GALNTL6: variants seen among roughly 807,000 people sequenced by gnomAD.
GALNTL6 encodes the protein polypeptide N-acetylgalactosaminyltransferase-like 6.
Under a neutral mutation model 73.7 loss-of-function variants are expected in GALNTL6, and 46 were observed. That is an observed-to-expected ratio of 0.62 (90% CI 0.49 to 0.80). GALNTL6 has a LOEUF of 0.80. GALNTL6 is among the 30% of genes least tolerant of loss of function. The pLI is 0.00. For synonymous variants in GALNTL6, 259 were observed against 263.7 expected (o/e 0.98, Z 0.17); for missense variants, 604 against 755.0 (o/e 0.80, Z 2.34).
At chr4:171,902,987 T>C (rs1030527913) in intron 2 of GALNTL6, among the ~76,000 whole-genome samples, 2 of 152,210 alleles carry the variant, frequency 1.3e-5, no homozygotes, top group African/African-American at 4.8e-5. Context: ...TATGTCATTC[T>C]TCATTACAAT....
At chr4:172,087,450 A>AC (rs1442690093) in intron 2 of GALNTL6, among the ~76,000 whole-genome samples, 4 of 147,878 alleles carry the variant, frequency 2.7e-5, no homozygotes, top group Admixed American at 6.7e-5. Flanking sequence ...ATCCCAAAAA[A>AC]AAAAAAAACA....
chr4:172,138,885 G>A (rs771774358), intron 2 of GALNTL6, among the ~76,000 whole-genome samples: 17 of 151,522 alleles, frequency 1.1e-4, no homozygotes, highest in Non-Finnish European at 2.1e-4. Context: ...TCATTTTTTT[G>A]TAATAAGAAA....
intron 8 of GALNTL6, among the ~76,000 whole-genome samples, chr4:172,906,766 A>G (rs932303619): frequency 2.6e-5 from 4 of 152,206 alleles, no homozygotes; most frequent in African/African-American, 9.6e-5. Context: ...CTCTCATAGC[A>G]TGACAACTTA....
intron 2 of GALNTL6, among the ~76,000 whole-genome samples, chr4:171,899,766 T>C (rs577337698): frequency 5.3e-5 from 8 of 152,324 alleles, no homozygotes; most frequent in African/African-American, 1.9e-4. Context: ...CAGCCCATTA[T>C]AAAAATATGG....
At chr4:172,206,985 T>C (rs940310106) in intron 2 of GALNTL6, among the ~76,000 whole-genome samples, 5 of 150,930 alleles carry the variant, frequency 3.3e-5, no homozygotes, top group African/African-American at 1.2e-4. Context: ...GCCCGGCTAG[T>C]TTTTTGTATT....
At chr4:172,443,096 G>T (rs1731890183) in intron 5 of GALNTL6, among the ~76,000 whole-genome samples, 1 of 123,854 alleles carries the variant, frequency 8.1e-6, no homozygotes. Flanking sequence ...ATGAAGGAGA[G>T]AAATCACCAG....
intron 2 of GALNTL6, among the ~76,000 whole-genome samples, chr4:171,918,511 C>A (rs1056731349): frequency 2.6e-5 from 4 of 151,872 alleles, no homozygotes; most frequent in African/African-American, 9.7e-5. Flanking sequence ...ATCTTTCTCC[C>A]GGAATATTTA....
In GALNTL6 at chr4:172,931,601, T is replaced by C. The variant is rs758263977; in HGVS notation, c.1149+333T>C. ...CATGAATGCCAAATAGCAGAGTAGG[T>C]CCGCGGACCTGGGGCAGCCAGTTCT... On this transcript the variant is annotated intron_variant, in intron 9 of 12. Transcript: ENST00000506823. Among the ~76,000 whole-genome samples the C allele has an allele frequency of 1.7e-4, 26 of 152,086 alleles. 1 individual carries two copies. Among genetic ancestry groups the C allele is most frequent in the Non-Finnish European group, 2.8e-4 (19 of 68,006 alleles).
intron 2 of GALNTL6, among the ~76,000 whole-genome samples, chr4:171,908,206 G>C (rs1737354512): frequency 1.3e-5 from 2 of 151,904 alleles, no homozygotes; most frequent in African/African-American, 4.8e-5. Context: ...GAGTGAACAG[G>C]CAACCTACAA....
chr4:172,105,091 GA>G (rs371897008), intron 2 of GALNTL6, among the ~76,000 whole-genome samples: 1 of 150,526 alleles, frequency 6.6e-6, no homozygotes, highest in Non-Finnish European at 1.5e-5. Flanking sequence ...TGTTCAAAGG[GA>G]AAAAAAAGAA....
intron 5 of GALNTL6, among the ~76,000 whole-genome samples, chr4:172,783,494 CT>C (rs914291915): frequency 3.3e-4 from 48 of 147,414 alleles, no homozygotes; most frequent in African/African-American, 1.1e-3. Context: ...ATATTATACA[CT>C]ATTAATAATA....
intron 5 of GALNTL6, among the ~76,000 whole-genome samples, chr4:172,634,191 A>G (rs1450364809): frequency 1.3e-5 from 2 of 152,136 alleles, no homozygotes; most frequent in Non-Finnish European, 2.9e-5. Flanking sequence ...TGAGGTATAA[A>G]TTATTCATGT....
chr4:172,894,671 C>G (rs987483869), intron 8 of GALNTL6, among the ~76,000 whole-genome samples: 4 of 152,098 alleles, frequency 2.6e-5, no homozygotes, highest in African/African-American at 9.7e-5. Flanking sequence ...ATGAAATGTT[C>G]TGTAAATGTC....
chr4:172,313,236 CTGCCTCAGCCTCCCG>C (rs1740427141), intron 4 of GALNTL6, among the ~76,000 whole-genome samples: 1 of 151,562 alleles, frequency 6.6e-6, no homozygotes, highest in Non-Finnish European at 1.5e-5. Context: ...CGCCATTCTC[CTGCCTCAGCCTCCCG>C]AGTAGCTGGG....
At chr4:172,818,203 G>A (rs1741718696) in intron 7 of GALNTL6, among the ~76,000 whole-genome samples, 1 of 152,162 alleles carries the variant, frequency 6.6e-6, no homozygotes, top group Admixed American at 6.5e-5. Context: ...CAGGTACCCA[G>A]GCCCTAATAC....
chr4:172,241,471 T>C (rs1307665388), intron 3 of GALNTL6, among the ~76,000 whole-genome samples: 1 of 152,204 alleles, frequency 6.6e-6, no homozygotes, highest in Non-Finnish European at 1.5e-5. Flanking sequence ...TCTGTGCCCT[T>C]AGAGTTAAAC....
At chr4:172,172,784 T>C (rs1734873955) in intron 2 of GALNTL6, among the ~76,000 whole-genome samples, 1 of 152,254 alleles carries the variant, frequency 6.6e-6, no homozygotes, top group Non-Finnish European at 1.5e-5. Context: ...AGGCAGGCCC[T>C]ACCCATTTGA....
intron 5 of GALNTL6, among the ~76,000 whole-genome samples, chr4:172,716,158 C>G (rs1735075063): frequency 6.6e-6 from 1 of 151,982 alleles, no homozygotes; most frequent in Admixed American, 6.6e-5. Context: ...CTGGTGGTGT[C>G]TAGTCTATAG....
At chr4:171,869,097 A>G (rs531710014) in intron 2 of GALNTL6, among the ~76,000 whole-genome samples, 1 of 152,330 alleles carries the variant, frequency 6.6e-6, no homozygotes, top group East Asian at 1.9e-4. Flanking sequence ...GAGAAATCCA[A>G]TTACCTCAGT....
Sources: gnomAD v4.1 joint callset for allele counts (sites outside exome capture counted in the v4.1 genomes callset) on GRCh38, gnomAD v4.1.1 for gene constraint, MANE v1.5 for transcripts, NCBI Gene and HGNC (gene_info 2026-07-23, HGNC 2026-07-21) for gene names.